DNAAF9: variants seen among roughly 807,000 people sequenced by gnomAD.
DNAAF9 encodes the protein dynein axonemal assembly factor 9, also known as shulin.
DNAAF9 carries 90 observed loss-of-function variants against 167.0 expected under a neutral mutation model. The ratio of observed to expected loss-of-function variants is 0.54; its 90% CI spans 0.45 to 0.64. DNAAF9 has a LOEUF of 0.64. Among genes scored for constraint, DNAAF9 ranks in the 30% least tolerant of loss-of-function variants. The pLI is 0.00. For synonymous variants in DNAAF9, 491 were observed against 508.8 expected (o/e 0.96, Z 0.47); for missense variants, 1,315 against 1,442.2 (o/e 0.91, Z 1.43).
chr20:3,331,961 G>A (rs1330191443), intron 11 of DNAAF9, among the ~76,000 whole-genome samples: 7 of 152,120 alleles, frequency 4.6e-5, no homozygotes, highest in African/African-American at 9.7e-5. Flanking sequence ...GGCGTGAGCC[G>A]CCATTCCTGG....
chr20:3,322,806 AT>A, intron 14 of DNAAF9, 110 bp from the exon 15 acceptor site: 1 of 817,968 alleles, frequency 1.2e-6, no homozygotes, highest in Non-Finnish European at 2.1e-6. Context: ...GGTGTGTGTC[AT>A]CCTTGCTTTA....
rs181946249 is a variant in DNAAF9 at position 3,403,914 on chromosome 20, G to A, written c.83+3561C>T. On this transcript the variant is annotated intron_variant, in intron 1 of 36. Transcript: ENST00000252032. ...AGGGATCCTCCCACCTCAGCCTTCC[G>A]AGTAGCTGACCTACAGGTGACTGGC... Among the ~76,000 whole-genome samples, 489 of 152,210 alleles carry A rather than the reference G, an allele frequency of 3.2e-3. 2 individuals carry two copies. The highest frequency in any genetic ancestry group is 0.011 in the African/African-American group (456 of 41,524).
intron 32 of DNAAF9, among the ~76,000 whole-genome samples, 170 bp downstream of exon 32, chr20:3,259,752 T>C (rs192119951): frequency 1.2e-3 from 188 of 152,320 alleles, no homozygotes; most frequent in African/African-American, 4.2e-3. Context: ...TTCACTGGAG[T>C]GGAGACCAAA....
chr20:3,396,105 G>A (rs1316675236), intron 1 of DNAAF9, among the ~76,000 whole-genome samples: 1 of 152,210 alleles, frequency 6.6e-6, no homozygotes, highest in Non-Finnish European at 1.5e-5. Context: ...CACCATGATT[G>A]TGAGGCTTCC....
chr20:3,355,551 G>C (rs1284283177), intron 7 of DNAAF9, among the ~76,000 whole-genome samples: 5 of 151,262 alleles, frequency 3.3e-5, no homozygotes, highest in African/African-American at 9.7e-5. Flanking sequence ...TCCAGCCTGG[G>C]TGACAGTGAG....
chr20:3,407,041 G>C (rs2084069212), intron 1 of DNAAF9, among the ~76,000 whole-genome samples: 1 of 152,140 alleles, frequency 6.6e-6, no homozygotes, highest in Non-Finnish European at 1.5e-5. Flanking sequence ...GGAGGTGTGA[G>C]GTCTGTAGAG....
chr20:3,364,594 A>G (rs966048163), intron 6 of DNAAF9, among the ~76,000 whole-genome samples: 1 of 152,250 alleles, frequency 6.6e-6, no homozygotes, highest in Admixed American at 6.5e-5. Flanking sequence ...GAATAATGCA[A>G]TAAAGCAAGT....
rs777160333 is a variant in DNAAF9 at position 3,298,163 on chromosome 20, T to C, written c.1795A>G (p.Thr599Ala). The C allele has an allele frequency of 8.7e-6, 14 of 1,613,392 alleles. No homozygotes were observed. The highest frequency in any genetic ancestry group is 1.2e-5 in the Non-Finnish European group (14 of 1,179,698). ...AAGTCTATGAGAAGAGCAGCAACAG[T>C]ACTGGTGGAATCCTAAAGCGAAAAG... ...ISFYDGDSTS[T>A]VAALLIDFKS... Residue 599 changes from threonine (T) to alanine (A), a missense_variant, in exon 22 of 37, where the codon ACT becomes GCT. By Grantham distance (58) the Thr-to-Ala change is moderately conservative. Transcript: ENST00000252032.
At chr20:3,343,239 T>C (rs911105203) in intron 9 of DNAAF9, among the ~76,000 whole-genome samples, 1 of 152,198 alleles carries the variant, frequency 6.6e-6, no homozygotes, top group African/African-American at 2.4e-5. Context: ...CTCGGCTCAC[T>C]GCAACCTCCG....
At chr20:3,356,261 A>C (rs548566718) in intron 7 of DNAAF9, among the ~76,000 whole-genome samples, 9 of 152,162 alleles carry the variant, frequency 5.9e-5, no homozygotes, top group Admixed American at 4.6e-4. Flanking sequence ...CAGGTGATCC[A>C]CCTGCCTCGG....
rs546791746 is a variant in DNAAF9, at chr20:3,398,772, G to A, written c.83+8703C>T. 8.5e-5 allele frequency among the ~76,000 whole-genome samples: 13 copies of A among 152,248 alleles called. No individual in the cohort carries two copies. In the South Asian group the frequency reaches 2.7e-3, roughly 32 times the overall value. On this transcript the variant is annotated intron_variant, in intron 1 of 36. Transcript: ENST00000252032. The stretch of plus-strand genomic sequence containing the variant: ...AAGAGCTCATTGCAGGACTGCTATG[G>A]GTTTAAGAAACCTGGCCCTGCATTA...
At chr20:3,343,535 T>C in intron 9 of DNAAF9, 141 bp downstream of exon 9, 1 of 658,484 alleles carries the variant, frequency 1.5e-6, no homozygotes, top group Non-Finnish European at 2.8e-6. Context: ...AGTACAGATT[T>C]CTTACCCTGT....
intron 16 of DNAAF9, 134 bp downstream of exon 16, chr20:3,322,083 A>G (rs1600781019): frequency 1.5e-5 from 10 of 673,120 alleles, no homozygotes. Context: ...TATGGCTGGG[A>G]TAGGACTGAG....
At chr20:3,366,487 G>T (rs2083434418) in intron 6 of DNAAF9, among the ~76,000 whole-genome samples, 1 of 152,166 alleles carries the variant, frequency 6.6e-6, no homozygotes, top group African/African-American at 2.4e-5. Flanking sequence ...GCACAGAGTA[G>T]ATTTGGCATA....
At chr20:3,370,770 C>T (rs966741205) in intron 6 of DNAAF9, among the ~76,000 whole-genome samples, 25 of 152,132 alleles carry the variant, frequency 1.6e-4, no homozygotes, top group Admixed American at 1.6e-3. Context: ...CCTGGCTTCA[C>T]GCGATCCTCC....
chr20:3,340,535 G>C lies in DNAAF9; in HGVS notation c.950C>G (p.Thr317Ser), dbSNP rs778002582. Reference protein sequence around the residue: ...FPSEGHLVRSTGPGGSFAKHM... With the variant: ...FPSEGHLVRSSGPGGSFAKHM... Reference sequence around the variant, plus strand: ...CTTGGCAAAGCTCCCGCCGGGACCAGTGCTTCGTACCAGATGTCCTTCAGA... The same window carrying C: ...CTTGGCAAAGCTCCCGCCGGGACCACTGCTTCGTACCAGATGTCCTTCAGA... The change falls in exon 10 of 37, where the codon ACT becomes AGT. Residue 317 changes from threonine (T) to serine (S), a missense_variant. By Grantham distance (58) the Thr-to-Ser change is moderately conservative. This residue lies in a region of DNAAF9 where 981 missense variants were observed against 1,012.5 expected (regional missense o/e 0.97). Transcript: ENST00000252032. 1 of 1,556,362 alleles carries C rather than the reference G, an allele frequency of 6.4e-7. No homozygotes were observed. Among genetic ancestry groups the C allele is most frequent in the Admixed American group, 1.7e-5 (1 of 57,386 alleles).
chr20:3,265,287 G>C (rs1035741557), intron 30 of DNAAF9, among the ~76,000 whole-genome samples: 5 of 152,178 alleles, frequency 3.3e-5, no homozygotes, highest in East Asian at 1.9e-4. Flanking sequence ...TCATTAGGCC[G>C]GGCGCGATGG....
At chr20:3,332,514 C>T (rs1167131165) in intron 10 of DNAAF9, among the ~76,000 whole-genome samples, 153 bp from the exon 11 acceptor site, 1 of 150,706 alleles carries the variant, frequency 6.6e-6, no homozygotes, top group African/African-American at 2.4e-5. Context: ...AGTGCAGTGG[C>T]GCAATCTCAG....
rs1246949032 is a variant in DNAAF9, at chr20:3,386,172, G to C, written c.84-3666C>G. Among the ~76,000 whole-genome samples, 4 of 152,034 alleles carry C rather than the reference G, an allele frequency of 2.6e-5. No homozygotes were observed. In the East Asian group the frequency reaches 7.7e-4, roughly 29 times the overall value. ...AAGGAAAAGCAAAGGAACTACAATA[G>C]CTTAAAACTGTTTTGAAAAAGAAAA... On this transcript the variant is annotated intron_variant, in intron 1 of 36. Transcript: ENST00000252032.
Sources: allele counts gnomAD v4.1 joint callset (sites outside exome capture counted in the v4.1 genomes callset), GRCh38; gene constraint gnomAD v4.1.1; regional missense constraint gnomAD v4.1.1; transcripts MANE v1.5; gene names NCBI Gene and HGNC (gene_info 2026-07-23, HGNC 2026-07-21).